MAD1L1: variants seen among roughly 807,000 people sequenced by gnomAD.
MAD1L1 encodes mitotic spindle assembly checkpoint protein MAD1.
In MAD1L1, 95 loss-of-function variants were observed where a neutral mutation model predicts 96.9. The ratio of observed to expected loss-of-function variants is 0.98; its 90% confidence interval spans 0.83 to 1.16. The LOEUF (loss-of-function observed/expected upper bound fraction) is 1.16, where lower values mean the gene tolerates loss of function less well. Ranked by LOEUF, MAD1L1 falls within the 50% of genes most tolerant of loss-of-function variation. MAD1L1 has a pLI of 0.00. For missense variants in MAD1L1, 1,007 were observed against 954.4 expected, an observed-to-expected ratio of 1.06 and a Z score of -0.73; for synonymous variants, 473 against 396.6, an observed-to-expected ratio of 1.19 and a Z score of -2.29.
intron 12 of MAD1L1, among the ~76,000 whole-genome samples, chr7:2,056,724 G>C (rs1457689145): frequency 1.3e-5 from 2 of 152,224 alleles, no homozygotes; most frequent in African/African-American, 4.8e-5. Flanking sequence ...AGGACAAGGA[G>C]TTGGTGTGGC....
At chr7:2,063,760 A>G (rs536892392) in intron 12 of MAD1L1, among the ~76,000 whole-genome samples, 1 of 152,274 alleles carries the variant, frequency 6.6e-6, no homozygotes, top group South Asian at 2.1e-4. Flanking sequence ...CGCCTTTGTC[A>G]TGGCCAGGGT....
At chr7:2,122,511 G>T (rs1788028120) in intron 11 of MAD1L1, among the ~76,000 whole-genome samples, 1 of 151,992 alleles carries the variant, frequency 6.6e-6, no homozygotes. Flanking sequence ...CTGAGGCAGG[G>T]GAATCACTTG....
At chr7:2,019,426 G>A (rs1250945805) in intron 12 of MAD1L1, among the ~76,000 whole-genome samples, 2 of 152,218 alleles carry the variant, frequency 1.3e-5, no homozygotes, top group African/African-American at 4.8e-5. Flanking sequence ...AGACAGTCCT[G>A]CGCTCCAATC....
chr7:2,153,080 A>T (rs920410944), intron 10 of MAD1L1, among the ~76,000 whole-genome samples: 1 of 152,184 alleles, frequency 6.6e-6, no homozygotes, highest in Non-Finnish European at 1.5e-5. Context: ...AAAAATATAA[A>T]AAATACTAAA....
At chr7:2,083,474 T>C (rs896399353) in intron 11 of MAD1L1, among the ~76,000 whole-genome samples, 2 of 152,000 alleles carry the variant, frequency 1.3e-5, no homozygotes, top group African/African-American at 4.8e-5. Context: ...GGAGAGGAGG[T>C]GCGGGGTGAG....
intron 15 of MAD1L1, 49 bp from the exon 16 acceptor site, chr7:1,957,768 G>A (rs760314158): frequency 1.3e-6 from 2 of 1,572,970 alleles, no homozygotes; most frequent in East Asian, 4.5e-5. Flanking sequence ...CAGCCATGCT[G>A]GGGAAGTCCC....
chr7:1,951,604 G>GCCC (rs1779498142), intron 16 of MAD1L1, among the ~76,000 whole-genome samples: 2 of 152,046 alleles, frequency 1.3e-5, no homozygotes, highest in Non-Finnish European at 2.9e-5. Context: ...CCCTGCCCCA[G>GCCC]CCCCAGCCCC....
At chr7:2,074,982 T>G (rs113694148) in intron 11 of MAD1L1, among the ~76,000 whole-genome samples, 3,613 of 151,874 alleles carry the variant, frequency 0.024, 62 homozygotes, top group Non-Finnish European at 0.037. Flanking sequence ...CCGGGAGCAA[T>G]GGGCAAGGTC....
chr7:1,966,766 C>A (rs1406163490), intron 15 of MAD1L1, among the ~76,000 whole-genome samples: 1 of 152,218 alleles, frequency 6.6e-6, no homozygotes, highest in East Asian at 1.9e-4. Context: ...TCTCCCCAGG[C>A]AGGAACCGCG....
chr7:2,084,416 G>A (rs780800262), intron 11 of MAD1L1, among the ~76,000 whole-genome samples: 2 of 152,194 alleles, frequency 1.3e-5, no homozygotes, highest in African/African-American at 2.4e-5. Context: ...TGCGAGTGGC[G>A]CTGCCCGGGC....
In MAD1L1 at chr7:2,114,607, ACAGG is replaced by A. The variant is rs1787565643; in HGVS notation, c.1073+34541_1073+34544del. Among the ~76,000 whole-genome samples the A allele has an allele frequency of 6.6e-6, 1 of 152,364 alleles. No individual in the cohort carries two copies. Among genetic ancestry groups the A allele is most frequent in the African/African-American group, 2.4e-5 (1 of 41,588 alleles). ...CTACGACTTGAACGGTGGTTTCTTA[ACAGG>A]GTCCAACAACTACAGCCTGTGGCCA... is the stretch of plus-strand genomic sequence containing the variant. On this transcript the variant is annotated intron_variant, in intron 11 of 18. Coordinates refer to ENST00000265854, the MANE Select transcript of MAD1L1 (RefSeq NM_001013836.2). The surrounding 1 kb of genome is among the most constrained non-coding windows in gnomAD (Gnocchi z 4.2).
At chr7:2,092,046 CT>C (rs1786243040) in intron 11 of MAD1L1, among the ~76,000 whole-genome samples, 1 of 152,192 alleles carries the variant, frequency 6.6e-6, no homozygotes, top group Non-Finnish European at 1.5e-5. Flanking sequence ...CCGTGTTTGG[CT>C]TTGTAAAAAG....
intron 17 of MAD1L1, among the ~76,000 whole-genome samples, chr7:1,933,820 G>C (rs1789620028): frequency 2.0e-5 from 3 of 152,268 alleles, no homozygotes; most frequent in Admixed American, 2.0e-4. Flanking sequence ...CAGCAATCAA[G>C]CCTCCAGATC....
chr7:2,156,817 A>G (rs540025032), intron 10 of MAD1L1, among the ~76,000 whole-genome samples: 9 of 134,200 alleles, frequency 6.7e-5, no homozygotes, highest in African/African-American at 2.8e-4. Context: ...GCAAGACTCC[A>G]TCTCAAAAAA....
intron 10 of MAD1L1, among the ~76,000 whole-genome samples, chr7:2,196,502 T>G (rs534699418): frequency 6.6e-6 from 1 of 152,370 alleles, no homozygotes; most frequent in East Asian, 1.9e-4. Flanking sequence ...CCTGTTGTTT[T>G]CATTGTTTAA....
chr7:1,885,742 C>G (rs1785974499), intron 18 of MAD1L1, among the ~76,000 whole-genome samples: 1 of 152,204 alleles, frequency 6.6e-6, no homozygotes, highest in Non-Finnish European at 1.5e-5. Flanking sequence ...AGGCAGATCC[C>G]CGAGGGCTCG....
chr7:2,167,108 G>A (rs527287519), intron 10 of MAD1L1, among the ~76,000 whole-genome samples: 24 of 152,190 alleles, frequency 1.6e-4, no homozygotes, highest in Non-Finnish European at 2.5e-4. Context: ...GGAGAGTGCC[G>A]GTGAAACAGT....
At chr7:2,190,928 A>T (rs1457219371) in intron 10 of MAD1L1, among the ~76,000 whole-genome samples, 1 of 152,182 alleles carries the variant, frequency 6.6e-6, no homozygotes, top group Non-Finnish European at 1.5e-5. Context: ...CTTTTTCTAA[A>T]ATTAAAACAT....
intron 18 of MAD1L1, among the ~76,000 whole-genome samples, chr7:1,862,830 A>G (rs1037412204): frequency 2.6e-5 from 4 of 152,246 alleles, no homozygotes; most frequent in African/African-American, 9.6e-5. Context: ...AAGAGACAAA[A>G]CAATTCACCG....
Sources: gnomAD v4.1 joint callset for allele counts (sites outside exome capture counted in the v4.1 genomes callset) on GRCh38, gnomAD v4.1.1 for gene constraint, Gnocchi (gnomAD v3.1) non-coding constraint, MANE v1.5 for transcripts, NCBI Gene and HGNC (gene_info 2026-07-23, HGNC 2026-07-21) for gene names.